UNC13C: variants seen among roughly 807,000 people sequenced by gnomAD.
UNC13C encodes the protein protein unc-13 homolog C.
In UNC13C, 174 loss-of-function variants were observed where a neutral mutation model predicts 245.4. The ratio of observed to expected loss-of-function variants is 0.71; its 90% CI spans 0.63 to 0.80. The LOEUF is 0.80. UNC13C is among the 30% of genes least tolerant of loss of function. The probability of loss-of-function intolerance (pLI) is 0.00; values close to 1 mark genes in which losing one functional copy is unlikely to be tolerated. For synonymous variants in UNC13C, 992 were observed against 895.1 expected, an observed-to-expected ratio of 1.11 and a Z score of -1.93; for missense variants, 2,829 against 2,602.9, an observed-to-expected ratio of 1.09 and a Z score of -1.89.
chr15:54,537,788 C>T (rs1896051674), intron 26 of UNC13C, among the ~76,000 whole-genome samples: 1 of 151,884 alleles, frequency 6.6e-6, no homozygotes, highest in Non-Finnish European at 1.5e-5. Context: ...TAGCCATATG[C>T]AGAAGATTAA....
At chr15:54,276,844 A>G (rs932923934) in intron 10 of UNC13C, among the ~76,000 whole-genome samples, 14 of 152,086 alleles carry the variant, frequency 9.2e-5, no homozygotes, top group Non-Finnish European at 1.6e-4. Context: ...TATATATGTT[A>G]CTGTAATTTT....
chr15:54,172,760 A>ATCTT (rs2033465455), intron 4 of UNC13C, among the ~76,000 whole-genome samples: 1 of 101,640 alleles, frequency 9.8e-6, no homozygotes, highest in East Asian at 3.0e-4. Flanking sequence ...ATATATATAT[A>ATCTT]TCTTTACTCT....
chr15:54,262,650 T>C (rs991481779), intron 8 of UNC13C, among the ~76,000 whole-genome samples: 2 of 152,168 alleles, frequency 1.3e-5, no homozygotes, highest in African/African-American at 4.8e-5. Flanking sequence ...TCCTTTTAAA[T>C]CATCTTTAGT....
At chr15:53,983,431 C>T (rs1265505306) in intron 1 of UNC13C, among the ~76,000 whole-genome samples, 1 of 151,882 alleles carries the variant, frequency 6.6e-6, no homozygotes, top group African/African-American at 2.4e-5. Context: ...TTGTCACTTT[C>T]AAAGAAGGTT....
chr15:54,540,833 G>C lies in UNC13C; in HGVS notation c.5697-5889G>C, dbSNP rs1417107614. Reference sequence around the variant, plus strand: ...TAAGCAGGGTTAGTCAGCATGCCAAGTATGTGAGCTGACCGTAAACACAAG... The same window carrying C: ...TAAGCAGGGTTAGTCAGCATGCCAACTATGTGAGCTGACCGTAAACACAAG... On this transcript the variant is annotated intron_variant, in intron 26 of 32. Transcript: ENST00000260323. Among the ~76,000 whole-genome samples, 3 of 152,078 alleles carry C rather than the reference G, an allele frequency of 2.0e-5. No individual in the cohort carries two copies. The South Asian group carries it at 6.2e-4, about 31-fold the overall frequency.
chr15:54,040,020 A>C (rs1896747073), intron 2 of UNC13C, among the ~76,000 whole-genome samples: 1 of 151,836 alleles, frequency 6.6e-6, no homozygotes, highest in South Asian at 2.1e-4. Flanking sequence ...TACTCAGAGA[A>C]CAAGCCAAAC....
At chr15:54,265,243 G>A (rs1455481618) in intron 9 of UNC13C, 112 bp from the exon 10 acceptor site, 6 of 730,174 alleles carry the variant, frequency 8.2e-6, no homozygotes, top group Non-Finnish European at 6.0e-6. Flanking sequence ...AAAGCAATGG[G>A]GATGCATCTA....
intron 30 of UNC13C, among the ~76,000 whole-genome samples, chr15:54,615,223 C>T (rs1212107790): frequency 1.3e-5 from 2 of 151,994 alleles, no homozygotes; most frequent in Non-Finnish European, 2.9e-5. Flanking sequence ...TCCAGTTATA[C>T]TCTTCAAGTT....
the UNC13C span, among the ~76,000 whole-genome samples, chr15:53,972,360 G>A: frequency 3.6e-4 from 55 of 152,178 alleles, no homozygotes; most frequent in Admixed American, 1.0e-3. Flanking sequence ...GGAAACGGGA[G>A]AATCTGAAAC....
the UNC13C span, among the ~76,000 whole-genome samples, chr15:53,883,557 G>A: frequency 1.3e-5 from 2 of 152,084 alleles, no homozygotes; most frequent in Admixed American, 1.3e-4. Context: ...TAGAGCTATT[G>A]GTAAAGCAAT....
At chr15:53,929,138 A>C in the UNC13C span, among the ~76,000 whole-genome samples, 1 of 152,230 alleles carries the variant, frequency 6.6e-6, no homozygotes, top group East Asian at 1.9e-4. Flanking sequence ...AAGGAAAGCG[A>C]AGGCACATCT....
chr15:54,143,036 A>C lies in UNC13C; in HGVS notation c.3002A>C (p.Glu1001Ala), dbSNP rs766899290. 6.2e-7 allele frequency: 1 copy of C among 1,611,176 alleles called. No individual in the cohort carries two copies. Among genetic ancestry groups the C allele is most frequent in the Admixed American group, 1.7e-5 (1 of 60,008 alleles). The part of the protein sequence containing the change: ...ILAGDSSSVD[E>A]KARIVSGNDL... Reference sequence around the variant, plus strand: ...CTTTCAGATAGCAGTTCTGTGGATGAAAAGGTTTTAAATCATACTTATTCT... The same window carrying C: ...CTTTCAGATAGCAGTTCTGTGGATGCAAAGGTTTTAAATCATACTTATTCT... The change falls in exon 3 of 33, where the codon GAA becomes GCA. Residue 1001 changes from glutamate to alanine, a missense_variant. Physicochemically the swap from Glu to Ala is moderately radical, Grantham distance 107. Coordinates refer to ENST00000260323, the MANE Select transcript of UNC13C (RefSeq NM_001080534.3).
At chr15:54,171,055 T>C (rs1198269600) in intron 4 of UNC13C, among the ~76,000 whole-genome samples, 1 of 151,918 alleles carries the variant, frequency 6.6e-6, no homozygotes, top group East Asian at 1.9e-4. Flanking sequence ...AATTAATGAG[T>C]TTTGTCAAAT....
At chr15:54,386,421 G>C (rs1033594349) in intron 17 of UNC13C, among the ~76,000 whole-genome samples, 1 of 152,160 alleles carries the variant, frequency 6.6e-6, no homozygotes, top group African/African-American at 2.4e-5. Context: ...AACATGGAAG[G>C]CCTCAGGTGT....
At chr15:54,029,944 A>C (rs1896285413) in intron 2 of UNC13C, among the ~76,000 whole-genome samples, 1 of 152,144 alleles carries the variant, frequency 6.6e-6, no homozygotes, top group African/African-American at 2.4e-5. Flanking sequence ...GCAACCCTCA[A>C]CCAGTAAAGG....
intron 10 of UNC13C, among the ~76,000 whole-genome samples, chr15:54,278,868 C>G (rs1354188386): frequency 2.0e-5 from 3 of 152,110 alleles, no homozygotes; most frequent in Non-Finnish European, 4.4e-5. Context: ...AACCATCAGT[C>G]TTACCTCTTT....
chr15:54,597,042 G>T (rs540735504), intron 30 of UNC13C, among the ~76,000 whole-genome samples: 2 of 152,122 alleles, frequency 1.3e-5, no homozygotes, highest in East Asian at 1.9e-4. Flanking sequence ...TCTTTTTGGC[G>T]CCAGAGACTG....
intron 8 of UNC13C, among the ~76,000 whole-genome samples, chr15:54,258,167 A>C (rs1456092151): frequency 6.6e-6 from 1 of 152,092 alleles, no homozygotes. Context: ...GGATGTCAAA[A>C]AAATAAATAA....
chr15:54,077,366 C>CTTTTTTT (rs1898683332), intron 2 of UNC13C, among the ~76,000 whole-genome samples: 1 of 82,310 alleles, frequency 1.2e-5, no homozygotes, highest in Non-Finnish European at 2.3e-5. Flanking sequence ...CTTTTCTTTT[C>CTTTTTTT]TTTTCTTTTC....
Sources: allele counts gnomAD v4.1 joint callset (sites outside exome capture counted in the v4.1 genomes callset), GRCh38; gene constraint gnomAD v4.1.1; transcripts MANE v1.5; gene names NCBI Gene and HGNC (gene_info 2026-07-23, HGNC 2026-07-21).